Variants in GAS2 observed in about 807,000 individuals in gnomAD.
GAS2 encodes growth arrest-specific protein 2.
A neutral mutation model predicts 37.5 loss-of-function variants in GAS2; 20 were observed. The observed-to-expected ratio is 0.53, with a 90% CI of 0.37 to 0.77. The LOEUF (loss-of-function observed/expected upper bound fraction) is 0.77, where lower values mean the gene tolerates loss of function less well. Among genes scored for constraint, GAS2 ranks in the 30% least tolerant of loss-of-function variants. GAS2 has a pLI of 0.00. For synonymous variants in GAS2, 144 were observed against 132.2 expected (o/e 1.09, Z -0.61); for missense variants, 336 against 373.4 (o/e 0.90, Z 0.82).
chr11:22,709,027 T>C (rs1851266243), intron 3 of GAS2, among the ~76,000 whole-genome samples: 1 of 151,926 alleles, frequency 6.6e-6, no homozygotes, highest in Non-Finnish European at 1.5e-5. Context: ...GGTAGTAGAG[T>C]AGACAGTGTG....
At chr11:22,757,208 C>T (rs776016201) in intron 7 of GAS2, among the ~76,000 whole-genome samples, 3 of 152,002 alleles carry the variant, frequency 2.0e-5, no homozygotes, top group South Asian at 2.1e-4. Context: ...ATATATATTA[C>T]ATATGTTTAT....
intron 3 of GAS2, among the ~76,000 whole-genome samples, chr11:22,695,037 C>T (rs1376984928): frequency 1.3e-5 from 2 of 151,974 alleles, no homozygotes; most frequent in Non-Finnish European, 2.9e-5. Flanking sequence ...AGTGTGGGTT[C>T]GGCTGGGTGC....
At chr11:22,793,867 A>G (rs557362229) in intron 7 of GAS2, among the ~76,000 whole-genome samples, 14 of 152,188 alleles carry the variant, frequency 9.2e-5, no homozygotes, top group Non-Finnish European at 1.5e-4. Context: ...TTTTGTAACC[A>G]TAAAGTACAA....
At chr11:22,718,482 GA>G (rs1851792341) in intron 3 of GAS2, among the ~76,000 whole-genome samples, 1 of 143,244 alleles carries the variant, frequency 7.0e-6, no homozygotes, top group Non-Finnish European at 1.5e-5. Flanking sequence ...AAAGGCATAA[GA>G]ATAATATAAT....
rs4474433 is a variant in GAS2 at position 22,677,333 on chromosome 11, A to T, written c.145+2319A>T. ...AAGGGCATGTGTTGAGGTAGGAAGG[A>T]GCTTGGTACATTGCAAGAAATGAAG... On this transcript the variant is annotated intron_variant, in intron 2 of 7. Coordinates refer to ENST00000454584, the MANE Select transcript of GAS2 (RefSeq NM_001143830.3). Among the ~76,000 whole-genome samples the T allele has an allele frequency of 3.3e-5, 5 of 151,652 alleles. No individual in the cohort carries two copies. The East Asian group carries it at 7.8e-4, about 24-fold the overall frequency.
intron 3 of GAS2, among the ~76,000 whole-genome samples, chr11:22,710,862 A>G (rs955641131): frequency 6.6e-6 from 1 of 152,100 alleles, no homozygotes; most frequent in Non-Finnish European, 1.5e-5. Context: ...CCTTTAGTCC[A>G]TCCTTGACAG....
At chr11:22,697,410 T>C (rs1362696595) in intron 3 of GAS2, among the ~76,000 whole-genome samples, 1 of 152,178 alleles carries the variant, frequency 6.6e-6, no homozygotes, top group African/African-American at 2.4e-5. Context: ...TGGCTTAGGA[T>C]TGACTTGGCG....
At chr11:22,743,246 A>G (rs1853191064) in intron 5 of GAS2, among the ~76,000 whole-genome samples, 1 of 152,120 alleles carries the variant, frequency 6.6e-6, no homozygotes, top group African/African-American at 2.4e-5. Context: ...TAATAATATT[A>G]CTTTGTATTT....
intron 5 of GAS2, among the ~76,000 whole-genome samples, chr11:22,746,224 GT>G (rs1853394650): frequency 6.6e-6 from 1 of 152,040 alleles, no homozygotes; most frequent in Non-Finnish European, 1.5e-5. Context: ...TCAGTTACTG[GT>G]GAAGCTGCTG....
chr11:22,751,846 C>T (rs571754656), intron 6 of GAS2, among the ~76,000 whole-genome samples: 1 of 152,062 alleles, frequency 6.6e-6, no homozygotes, highest in African/African-American at 2.4e-5. Flanking sequence ...TAAAGATTTT[C>T]CATACAATAG....
rs1848998795 is a variant in GAS2, at chr11:22,666,885, G to T, written c.-35G>T. 6.6e-6 allele frequency: 1 copy of T among 152,544 alleles called. No homozygotes were observed. The highest frequency in any genetic ancestry group is 2.4e-5 in the African/African-American group (1 of 41,462). The allele number at this position is 152,544 out of a possible 1,614,324, so 9.4% of individuals were successfully genotyped here. A position where few individuals can be genotyped will look rare whatever the true frequency, so the allele number is the denominator to read the frequency against. On this transcript the variant is annotated 5_prime_UTR_variant, in exon 1 of 8. Coordinates refer to ENST00000454584, the MANE Select transcript of GAS2 (RefSeq NM_001143830.3). ...GCCTCTGAGAGCCGCCAGCAGCCCA[G>T]CTCGGGACGCGGGGGTGAGCACGAC...
chr11:22,764,066 A>G (rs1166183576), intron 7 of GAS2, among the ~76,000 whole-genome samples: 1 of 152,222 alleles, frequency 6.6e-6, no homozygotes, highest in Admixed American at 6.5e-5. Context: ...CTTAACCTAT[A>G]GTCTCTAAGA....
At chr11:22,700,226 T>TAGAC (rs1172796083) in intron 3 of GAS2, among the ~76,000 whole-genome samples, 1 of 152,224 alleles carries the variant, frequency 6.6e-6, no homozygotes, top group African/African-American at 2.4e-5. Context: ...AGATGCTCAG[T>TAGAC]AGACATGGTG....
In GAS2 at chr11:22,780,450, G is replaced by A. The variant is rs188532575; in HGVS notation, c.723+24497G>A. On this transcript the variant is annotated intron_variant, in intron 7 of 7. Transcript: ENST00000454584. The stretch of plus-strand genomic sequence containing the variant: ...GCAGAGGCTGCAGTGAGCCGAAATC[G>A]TGCCACTGCACTCCAGCCTGGGCAA... Among the ~76,000 whole-genome samples the A allele has an allele frequency of 1.2e-3, 188 of 151,436 alleles. 4 individuals are homozygous for A. In the East Asian group the frequency reaches 0.026, roughly 21 times the overall value.
chr11:22,726,996 C>T (rs1036415810), intron 4 of GAS2, among the ~76,000 whole-genome samples: 3 of 152,034 alleles, frequency 2.0e-5, no homozygotes, highest in African/African-American at 7.2e-5. Flanking sequence ...TACCTTAGTG[C>T]CTACACCTAC....
intron 7 of GAS2, among the ~76,000 whole-genome samples, chr11:22,780,582 TA>T (rs1855512925): frequency 1.4e-5 from 2 of 145,686 alleles, no homozygotes; most frequent in Admixed American, 6.9e-5. Context: ...AAAAAGATTG[TA>T]AGATTTTTCT....
intron 3 of GAS2, among the ~76,000 whole-genome samples, chr11:22,704,537 A>G (rs1444608193): frequency 1.4e-5 from 2 of 146,716 alleles, no homozygotes; most frequent in Non-Finnish European, 3.0e-5. Context: ...TTTTGTCTAC[A>G]TTTATAATTG....
intron 7 of GAS2, among the ~76,000 whole-genome samples, chr11:22,762,758 CTG>C (rs1392817937): frequency 6.6e-6 from 1 of 152,100 alleles, no homozygotes; most frequent in African/African-American, 2.4e-5. Flanking sequence ...ATGATGGACA[CTG>C]TATAAAATTC....
rs187757231 is a variant in GAS2 at position 22,746,726 on chromosome 11, G to A, written c.474-2394G>A. Reference sequence around the variant, plus strand: ...GTGGAGAGCAAGGGAGGGAGGAAAGGCTAAACAAAAACTAATTTGGTACTA... The same window carrying A: ...GTGGAGAGCAAGGGAGGGAGGAAAGACTAAACAAAAACTAATTTGGTACTA... On this transcript the variant is annotated intron_variant, in intron 5 of 7. Coordinates refer to ENST00000454584, the MANE Select transcript of GAS2 (RefSeq NM_001143830.3). Among the ~76,000 whole-genome samples the A allele has an allele frequency of 2.6e-5, 4 of 152,122 alleles. No homozygotes were observed. The East Asian group carries it at 7.7e-4, about 29-fold the overall frequency.
Sources: gnomAD v4.1 joint callset for allele counts (sites outside exome capture counted in the v4.1 genomes callset) on GRCh38, gnomAD v4.1.1 for gene constraint, MANE v1.5 for transcripts, NCBI Gene and HGNC (gene_info 2026-07-23, HGNC 2026-07-21) for gene names.